Variants in ZMYM4 observed in about 807,000 individuals in gnomAD.
The protein encoded by ZMYM4 is zinc finger MYM-type containing 4, also known as zinc finger MYM-type protein 4.
Under a neutral mutation model 183.2 loss-of-function variants are expected in ZMYM4, and 31 were observed. That is an observed-to-expected ratio of 0.17 (90% CI 0.13 to 0.23). ZMYM4 has a LOEUF of 0.23. Ranked by LOEUF, ZMYM4 falls within the 10% of genes least tolerant of loss-of-function variation. The pLI is 1.00. For synonymous variants in ZMYM4, 592 were observed against 631.2 expected (o/e 0.94, Z 0.93); for missense variants, 1,273 against 1,840.3 (o/e 0.69, Z 5.64).
At chr1:35,377,198 C>T (rs775824568) in intron 7 of ZMYM4, among the ~76,000 whole-genome samples, 4 of 152,196 alleles carry the variant, frequency 2.6e-5, no homozygotes, top group South Asian at 2.1e-4. Flanking sequence ...TGAGCCACTG[C>T]GCCTGGCCCA....
intron 9 of ZMYM4, among the ~76,000 whole-genome samples, chr1:35,382,317 G>A (rs1365559237): frequency 6.7e-6 from 1 of 150,172 alleles, no homozygotes; most frequent in Non-Finnish European, 1.5e-5. Context: ...TGTTTTAACT[G>A]GTATTCTTTA....
intron 1 of ZMYM4, among the ~76,000 whole-genome samples, chr1:35,270,033 T>C (rs1639517867): frequency 6.6e-6 from 1 of 152,212 alleles, no homozygotes; most frequent in Admixed American, 6.5e-5. Flanking sequence ...CCTTTCAGCT[T>C]AGCGTAAAAT....
intron 1 of ZMYM4, among the ~76,000 whole-genome samples, chr1:35,296,856 T>C (rs1011569463): frequency 6.9e-6 from 1 of 145,492 alleles, no homozygotes; most frequent in African/African-American, 2.5e-5. Context: ...TTTTTTTTTT[T>C]TTTTTTTTTG....
intron 26 of ZMYM4, among the ~76,000 whole-genome samples, chr1:35,411,376 C>T (rs922856970): frequency 1.3e-5 from 2 of 151,400 alleles, no homozygotes; most frequent in South Asian, 2.1e-4. Flanking sequence ...AGGATGGTCT[C>T]GATCTCATGA....
In ZMYM4 at chr1:35,385,509, A is replaced by T. The variant is rs1173096910; in HGVS notation, c.1637A>T (p.Asn546Ile). 6.2e-7 allele frequency: 1 copy of T among 1,613,624 alleles called. No individual in the cohort carries two copies. The highest frequency in any genetic ancestry group is 8.5e-7 in the Non-Finnish European group (1 of 1,179,878). ...AGATCCTCAGCAGAAATGATTGAAA[A>T]TACCAATAGCTTGGGGAAGACAGAG... ...SLRSSAEMIE[N>I]TNSLGKTELF... Residue 546 changes from asparagine (N) to isoleucine (I), a missense_variant, in exon 10 of 30, where the codon AAT becomes ATT. Asn to Ile is a moderately radical substitution (Grantham distance 149, BLOSUM62 -3). This residue lies in a region of ZMYM4 where 319 missense variants were observed against 518.1 expected (regional missense o/e 0.62). Transcript: ENST00000314607.
At chr1:35,393,836 T>A in intron 18 of ZMYM4, 97 bp downstream of exon 18, 1 of 1,364,964 alleles carries the variant, frequency 7.3e-7, no homozygotes, top group African/African-American at 1.5e-5. Flanking sequence ...AGGTGATGTG[T>A]TTGGTTGTTT....
intron 1 of ZMYM4, among the ~76,000 whole-genome samples, chr1:35,318,025 C>T (rs537969560): frequency 6.6e-6 from 1 of 150,784 alleles, no homozygotes; most frequent in South Asian, 2.1e-4. Flanking sequence ...ATTTTGGAAG[C>T]CAATTCAAAT....
intron 7 of ZMYM4, among the ~76,000 whole-genome samples, chr1:35,376,856 T>C (rs570065631): frequency 6.6e-6 from 1 of 152,054 alleles, no homozygotes; most frequent in Non-Finnish European, 1.5e-5. Flanking sequence ...TCTGTTACAG[T>C]ATTTTATAAA....
At chr1:35,284,496 T>C (rs2148698333) in intron 1 of ZMYM4, among the ~76,000 whole-genome samples, 1 of 152,358 alleles carries the variant, frequency 6.6e-6, no homozygotes, top group East Asian at 1.9e-4. Context: ...TTTCAATCTT[T>C]TGTGTATGAA....
chr1:35,294,423 A>C (rs1462950594), intron 1 of ZMYM4, among the ~76,000 whole-genome samples: 1 of 152,212 alleles, frequency 6.6e-6, no homozygotes, highest in Non-Finnish European at 1.5e-5. Flanking sequence ...ATTTGATGAT[A>C]GATAGGGCAG....
rs1452098602 is a variant in ZMYM4, at chr1:35,282,979, G to GT, written c.39+13894_39+13895insT. ...AATACTTGTTGTTTTCTGTGTGTGTGGTTTTTTTTTTTTTTTTTTTTTTTT... is the reference window on the plus strand; with the variant it reads ...AATACTTGTTGTTTTCTGTGTGTGTGTGTTTTTTTTTTTTTTTTTTTTTTTT... On this transcript the variant is annotated intron_variant, in intron 1 of 29. Coordinates refer to ENST00000314607, the MANE Select transcript of ZMYM4 (RefSeq NM_005095.3). 6.2e-4 allele frequency among the ~76,000 whole-genome samples: 27 copies of GT among 43,270 alleles called. 1 individual carries two copies. Among genetic ancestry groups the GT allele is most frequent in the Admixed American group, 5.3e-3 (21 of 3,934 alleles). The allele number at this position is 43,270 out of a possible 152,430, so 28.4% of individuals were successfully genotyped here.
At chr1:35,321,545 A>G (rs1243857420) in intron 1 of ZMYM4, among the ~76,000 whole-genome samples, 1 of 151,994 alleles carries the variant, frequency 6.6e-6, no homozygotes, top group East Asian at 1.9e-4. Context: ...AGAGTCTTAT[A>G]TATCCACAGA....
intron 5 of ZMYM4, 113 bp from the exon 6 acceptor site, chr1:35,369,916 T>C: frequency 1.6e-6 from 1 of 641,136 alleles, no homozygotes; most frequent in Non-Finnish European, 2.5e-6. Context: ...CTTACTAATG[T>C]TTTAAACATT....
chr1:35,405,484 C>T lies in ZMYM4; in HGVS notation c.3796+16C>T. The stretch of plus-strand genomic sequence containing the variant: ...GGCTGTAGAGGTAAAATTTGTTTCT[C>T]TCCATTTGGTATGAATTATTTATAT... On this transcript the variant is annotated intron_variant, in intron 25 of 29. Coordinates refer to ENST00000314607, the MANE Select transcript of ZMYM4 (RefSeq NM_005095.3). The T allele has an allele frequency of 6.4e-7, 1 of 1,561,168 alleles. No homozygotes were observed. The highest frequency in any genetic ancestry group is 8.7e-7 in the Non-Finnish European group (1 of 1,149,714).
chr1:35,328,947 C>G (rs2148828002), intron 2 of ZMYM4, among the ~76,000 whole-genome samples: 1 of 152,126 alleles, frequency 6.6e-6, no homozygotes, highest in Middle Eastern at 3.4e-3. Context: ...CTAGACCTAC[C>G]AGACCTACCC....
intron 18 of ZMYM4, among the ~76,000 whole-genome samples, chr1:35,395,906 T>A (rs1398891532): frequency 6.6e-6 from 1 of 152,242 alleles, no homozygotes. Context: ...AATAATGGAA[T>A]AAATCATCCA....
In ZMYM4 at chr1:35,419,519, C is replaced by T. The variant is rs1205184401; in HGVS notation, c.4489C>T (p.Arg1497Cys). Residue 1497 changes from arginine to cysteine, a missense_variant, in exon 30 of 30, where the codon CGC becomes TGC. Coordinates refer to ENST00000314607, the MANE Select transcript of ZMYM4 (RefSeq NM_005095.3). Reference protein sequence around the residue: ...RNDVFYLQPERSCVPNSPMWY... With the variant: ...RNDVFYLQPECSCVPNSPMWY... ...TGATGTGTTTTACCTTCAACCTGAG[C>T]GCTCCTGTGTCCCGAATAGCCCCAT... The T allele has an allele frequency of 6.8e-6, 11 of 1,613,614 alleles. No homozygotes were observed. Among genetic ancestry groups the T allele is most frequent in the African/African-American group, 4.0e-5 (3 of 74,746 alleles).
At chr1:35,369,723 A>G (rs1644162770) in intron 5 of ZMYM4, among the ~76,000 whole-genome samples, 2 of 151,794 alleles carry the variant, frequency 1.3e-5, no homozygotes, top group Non-Finnish European at 2.9e-5. Context: ...TATTACTTTT[A>G]TAATAAACAG....
intron 23 of ZMYM4, among the ~76,000 whole-genome samples, chr1:35,401,905 A>G (rs919646431): frequency 1.3e-5 from 2 of 152,190 alleles, no homozygotes; most frequent in Non-Finnish European, 2.9e-5. Flanking sequence ...GTTAAAAGTC[A>G]ATCATATATG....
Sources: gnomAD v4.1 joint callset for allele counts (sites outside exome capture counted in the v4.1 genomes callset) on GRCh38, gnomAD v4.1.1 for gene constraint, gnomAD v4.1.1 regional missense constraint, MANE v1.5 for transcripts, NCBI Gene and HGNC (gene_info 2026-07-23, HGNC 2026-07-21) for gene names.